CNTN4: variants seen among roughly 807,000 people sequenced by gnomAD.
CNTN4 encodes contactin-4.
Under a neutral mutation model 122.5 loss-of-function variants are expected in CNTN4, and 77 were observed. That is an observed-to-expected ratio of 0.63 (90% CI 0.52 to 0.76). The LOEUF is 0.76. Ranked by LOEUF, CNTN4 falls within the 30% of genes least tolerant of loss-of-function variation. The pLI is 0.00. For synonymous variants in CNTN4, 512 were observed against 447.0 expected, an observed-to-expected ratio of 1.15 and a Z score of -1.83; for missense variants, 1,256 against 1,259.1, an observed-to-expected ratio of 1.00 and a Z score of 0.04.
At chr3:2,662,021 T>A (rs1264156027) in intron 4 of CNTN4, among the ~76,000 whole-genome samples, 1 of 152,076 alleles carries the variant, frequency 6.6e-6, no homozygotes, top group Non-Finnish European at 1.5e-5. Context: ...TGAGAGGAAA[T>A]TTCATTCAAA....
intron 2 of CNTN4, among the ~76,000 whole-genome samples, chr3:2,321,466 A>C (rs1040347336): frequency 3.3e-5 from 5 of 152,120 alleles, no homozygotes; most frequent in African/African-American, 7.2e-5. Context: ...AAAATTGTGG[A>C]ATTCTGTAGC....
Position 2,433,733 on chromosome 3 carries a change from C to T in CNTN4, c.-89+94500C>T, listed in dbSNP as rs1426887783. ...CGGAGCATTTCCTGTATGTTTTCTT[C>T]TAGTAGTTTTGTAGTTTTCGGTGTT... On this transcript the variant is annotated intron_variant, in intron 3 of 24. Transcript: ENST00000418658. Among the ~76,000 whole-genome samples, 5 of 152,050 alleles carry T rather than the reference C, an allele frequency of 3.3e-5. 1 individual carries two copies. The South Asian group carries it at 6.2e-4, about 19-fold the overall frequency.
At chr3:2,179,815 A>AT (rs1467575389) in intron 2 of CNTN4, among the ~76,000 whole-genome samples, 2 of 152,044 alleles carry the variant, frequency 1.3e-5, no homozygotes, top group East Asian at 3.9e-4. Flanking sequence ...TACGTAGCCA[A>AT]ATTTACTTTT....
intron 23 of CNTN4, among the ~76,000 whole-genome samples, chr3:3,050,399 C>G (rs1192408781): frequency 6.6e-6 from 1 of 152,154 alleles, no homozygotes; most frequent in Non-Finnish European, 1.5e-5. Flanking sequence ...TTCCCAAAGA[C>G]AGATGCCAGA....
chr3:2,943,232 G>A (rs1326576880), intron 13 of CNTN4, among the ~76,000 whole-genome samples: 2 of 152,080 alleles, frequency 1.3e-5, no homozygotes, highest in African/African-American at 4.8e-5. Flanking sequence ...AAAGAAGGCT[G>A]GGTAAAAGCT....
chr3:2,156,989 T>C (rs17194140), intron 2 of CNTN4, among the ~76,000 whole-genome samples: 32,160 of 152,136 alleles, frequency 0.21, 4,245 homozygotes, highest in Non-Finnish European at 0.31. Flanking sequence ...CTTCCAGTTT[T>C]CCTAATGACC....
At chr3:2,941,500 C>A (rs1040888708) in intron 13 of CNTN4, among the ~76,000 whole-genome samples, 3 of 152,220 alleles carry the variant, frequency 2.0e-5, no homozygotes, top group African/African-American at 7.2e-5. Flanking sequence ...AGCCTGAAAC[C>A]TAGAAATCAC....
intron 2 of CNTN4, among the ~76,000 whole-genome samples, chr3:2,319,965 A>G (rs2043227426): frequency 6.6e-6 from 1 of 152,222 alleles, no homozygotes; most frequent in Admixed American, 6.5e-5. Context: ...GCCCATCATA[A>G]TAAATGCTTA....
At chr3:2,703,290 T>C (rs180738929) in intron 4 of CNTN4, among the ~76,000 whole-genome samples, 30 of 152,282 alleles carry the variant, frequency 2.0e-4, no homozygotes, top group Admixed American at 1.9e-3. Flanking sequence ...AGACATGTTA[T>C]GGTACAGTAT....
Position 2,128,547 on chromosome 3 carries a change from C to G in CNTN4, c.-145+27908C>G, listed in dbSNP as rs566216939. On this transcript the variant is annotated intron_variant, in intron 2 of 24. Transcript: ENST00000418658. ...TTTTAATCCTGCACTGAGAGGTGATCACAATCTGAAGACTGTGATCGACAC... is the reference window on the plus strand; with the variant it reads ...TTTTAATCCTGCACTGAGAGGTGATGACAATCTGAAGACTGTGATCGACAC... Among the ~76,000 whole-genome samples the G allele has an allele frequency of 9.9e-5, 15 of 152,180 alleles. No individual in the cohort carries two copies. The East Asian group carries it at 2.9e-3, about 30-fold the overall frequency.
intron 2 of CNTN4, chr3:2,110,415 TA>T (rs1439972595): frequency 3.9e-5 from 6 of 152,320 alleles, no homozygotes; most frequent in African/African-American, 1.4e-4. Flanking sequence ...GTAGTATACT[TA>T]AATGTTTTAT....
At chr3:2,956,028 G>C (rs1190450892) in intron 13 of CNTN4, among the ~76,000 whole-genome samples, 1 of 152,128 alleles carries the variant, frequency 6.6e-6, no homozygotes, top group Non-Finnish European at 1.5e-5. Flanking sequence ...TAATCAAAAA[G>C]TGGAAACAGC....
Position 2,266,964 on chromosome 3 carries a change from T to A in CNTN4, c.-144-72214T>A, listed in dbSNP as rs571678769. ...TGAGCAAACATTACTGTGATTCAGC[T>A]TATTTTTATATAATGTTACAGGGAA... On this transcript the variant is annotated intron_variant, in intron 2 of 24. Transcript: ENST00000418658. Among the ~76,000 whole-genome samples the A allele has an allele frequency of 3.9e-5, 6 of 152,294 alleles. No individual in the cohort carries two copies. In the South Asian group the frequency reaches 1.2e-3, roughly 32 times the overall value.
At chr3:2,638,343 G>A (rs2082756274) in intron 4 of CNTN4, among the ~76,000 whole-genome samples, 1 of 152,128 alleles carries the variant, frequency 6.6e-6, no homozygotes, top group Admixed American at 6.6e-5. Context: ...CCCCAACAGA[G>A]CTGTAGCAAT....
At chr3:2,515,848 A>G (rs1343443769) in intron 3 of CNTN4, among the ~76,000 whole-genome samples, 2 of 152,120 alleles carry the variant, frequency 1.3e-5, no homozygotes, top group Non-Finnish European at 2.9e-5. Context: ...TCCACTGTTA[A>G]ATGGAATAGA....
chr3:2,177,008 A>G (rs1302468791), intron 2 of CNTN4, among the ~76,000 whole-genome samples: 1 of 152,180 alleles, frequency 6.6e-6, no homozygotes, highest in Non-Finnish European at 1.5e-5. Context: ...AGGTAAAAAA[A>G]TCACTCAAGA....
At chr3:2,844,005 T>A (rs1228623757) in intron 7 of CNTN4, among the ~76,000 whole-genome samples, 1 of 152,162 alleles carries the variant, frequency 6.6e-6, no homozygotes, top group Non-Finnish European at 1.5e-5. Flanking sequence ...TGGCCATCTG[T>A]CCGTCATTAT....
At position 3,056,253 on chromosome 3, in the gene CNTN4, T is replaced by C; in HGVS notation, c.*33T>C. ...TATCTGAAGGACTTGCTGTTTATAA[T>C]ATAAGCAACATTTAGCTAGTTGTTT... On this transcript the variant is annotated 3_prime_UTR_variant, in exon 25 of 25. Coordinates refer to ENST00000418658, the MANE Select transcript of CNTN4 (RefSeq NM_175607.3). The C allele has an allele frequency of 6.7e-7, 1 of 1,492,468 alleles. No homozygotes were observed. The highest frequency in any genetic ancestry group is 1.1e-5 in the South Asian group (1 of 88,608). 92.5% of individuals were successfully genotyped at this position (1,492,468 alleles called of 1,614,324 possible). A position where few individuals can be genotyped will look rare whatever the true frequency, so the allele number is the denominator to read the frequency against.
intron 18 of CNTN4, among the ~76,000 whole-genome samples, chr3:3,038,702 A>G (rs1699856863): frequency 6.6e-6 from 1 of 152,154 alleles, no homozygotes; most frequent in Non-Finnish European, 1.5e-5. Flanking sequence ...GTCAGATAAC[A>G]CGTGTGCCTT....
Sources: gnomAD v4.1 joint callset for allele counts (sites outside exome capture counted in the v4.1 genomes callset) on GRCh38, gnomAD v4.1.1 for gene constraint, MANE v1.5 for transcripts, NCBI Gene and HGNC (gene_info 2026-07-23, HGNC 2026-07-21) for gene names.